The following ATF7IP variants were observed in gnomAD, a reference collection of about 807,000 sequenced individuals.
ATF7IP encodes the protein activating transcription factor 7 interacting protein, also known as activating transcription factor 7-interacting protein 1.
A neutral mutation model predicts 106.4 loss-of-function variants in ATF7IP; 23 were observed. The observed-to-expected ratio is 0.22, with a 90% CI of 0.16 to 0.31. The LOEUF is 0.31. ATF7IP is among the 10% of genes least tolerant of loss of function. The probability of loss-of-function intolerance (pLI) is 1.00; values close to 1 mark genes in which losing one functional copy is unlikely to be tolerated. For missense variants in ATF7IP, 1,334 were observed against 1,524.3 expected (o/e 0.88, Z 2.08); for synonymous variants, 542 against 539.0 (o/e 1.01, Z -0.08).
chr12:14,422,312 TACACACACACACACACACACACACACAC>T (rs59503201), intron 1 of ATF7IP, among the ~76,000 whole-genome samples: 2 of 142,336 alleles, frequency 1.4e-5, no homozygotes, highest in African/African-American at 5.2e-5. Context: ...AAAAAGAGAA[TACACACACACACACACACACACACACAC>T]ACACACACAC....
At chr12:14,400,912 T>C (rs1163186842) in intron 1 of ATF7IP, among the ~76,000 whole-genome samples, 2 of 152,214 alleles carry the variant, frequency 1.3e-5, no homozygotes, top group African/African-American at 4.8e-5. Flanking sequence ...TTCTTGTATA[T>C]GTTGTTTTAT....
At chr12:14,489,333 T>C (rs1944731396) in intron 13 of ATF7IP, among the ~76,000 whole-genome samples, 1 of 152,158 alleles carries the variant, frequency 6.6e-6, no homozygotes, top group African/African-American at 2.4e-5. Context: ...CCTGTTGACT[T>C]AAAGGTAGGA....
At chr12:14,421,470 T>C (rs1467887138) in intron 1 of ATF7IP, among the ~76,000 whole-genome samples, 1 of 152,196 alleles carries the variant, frequency 6.6e-6, no homozygotes, top group East Asian at 1.9e-4. Context: ...CAGGCCTCTC[T>C]CCTAGCTTCT....
chr12:14,490,631 C>A (rs1297155497), intron 13 of ATF7IP, among the ~76,000 whole-genome samples: 1 of 152,176 alleles, frequency 6.6e-6, no homozygotes, highest in Non-Finnish European at 1.5e-5. Context: ...GCAGAACCAT[C>A]TGTGAACCAG....
intron 11 of ATF7IP, among the ~76,000 whole-genome samples, chr12:14,476,703 G>T (rs1030619931): frequency 6.6e-6 from 1 of 152,026 alleles, no homozygotes. Context: ...TTATGTTTCA[G>T]TGCAGATACT....
intron 9 of ATF7IP, 59 bp from the exon 10 acceptor site, chr12:14,466,467 G>C: frequency 7.3e-7 from 1 of 1,361,694 alleles, no homozygotes; most frequent in Non-Finnish European, 1.0e-6. Flanking sequence ...TTCATATAAA[G>C]CAACTTAACT....
intron 9 of ATF7IP, among the ~76,000 whole-genome samples, chr12:14,465,741 T>G (rs188371599): frequency 1.1e-3 from 172 of 152,154 alleles, no homozygotes; most frequent in African/African-American, 4.0e-3. Context: ...ACTTCCTGTA[T>G]TTTTTTAAAC....
chr12:14,382,529 A>AT (rs1939041077), intron 1 of ATF7IP, among the ~76,000 whole-genome samples: 1 of 152,126 alleles, frequency 6.6e-6, no homozygotes, highest in African/African-American at 2.4e-5. Context: ...TACAAAAGTT[A>AT]TTTTTTCCAT....
intron 14 of ATF7IP, 62 bp from the exon 15 acceptor site, chr12:14,497,592 T>G: frequency 6.8e-7 from 1 of 1,476,884 alleles, no homozygotes; most frequent in Non-Finnish European, 9.2e-7. Flanking sequence ...GTGTTTTAAT[T>G]CTAACATTCT....
chr12:14,477,106 A>G (rs909094505), intron 11 of ATF7IP, among the ~76,000 whole-genome samples: 1 of 152,222 alleles, frequency 6.6e-6, no homozygotes, highest in African/African-American at 2.4e-5. Context: ...ACTGGTGATT[A>G]TTGCACATGG....
rs1408973088 is a variant in ATF7IP, at chr12:14,500,992, CA to C, written c.*2920del. 1.3e-5 allele frequency: 2 copies of C among 152,212 alleles called. No individual in the cohort carries two copies. Among genetic ancestry groups the C allele is most frequent in the Non-Finnish European group, 2.9e-5 (2 of 67,978 alleles). 9.4% of individuals were successfully genotyped at this position (152,212 alleles called of 1,614,324 possible). ...AGATGGTGTCCTCAAATTAGCCTAC[CA>C]TGGCACGTAGGGGCAGCAGCTATAT... On this transcript the variant is annotated 3_prime_UTR_variant, in exon 15 of 15. Coordinates refer to ENST00000261168, the MANE Select transcript of ATF7IP (RefSeq NM_018179.5).
chr12:14,436,996 A>G (rs190779177), intron 4 of ATF7IP, among the ~76,000 whole-genome samples: 185 of 152,296 alleles, frequency 1.2e-3, no homozygotes, highest in Admixed American at 2.7e-3. Flanking sequence ...TTATAAGTCT[A>G]CATTCTAAAC....
intron 13 of ATF7IP, among the ~76,000 whole-genome samples, chr12:14,487,712 A>C (rs1344959253): frequency 6.6e-6 from 1 of 152,186 alleles, no homozygotes; most frequent in Non-Finnish European, 1.5e-5. Context: ...CTCTTTCTCT[A>C]TAGGAGATAA....
At chr12:14,495,173 G>A (rs1056328999) in intron 13 of ATF7IP, among the ~76,000 whole-genome samples, 1 of 152,112 alleles carries the variant, frequency 6.6e-6, no homozygotes, top group Non-Finnish European at 1.5e-5. Flanking sequence ...ACCAGATGAA[G>A]GGTGGATCTG....
intron 13 of ATF7IP, among the ~76,000 whole-genome samples, chr12:14,486,934 A>G (rs967717748): frequency 2.0e-5 from 3 of 152,150 alleles, no homozygotes; most frequent in Non-Finnish European, 4.4e-5. Context: ...GGTCAAGGGT[A>G]TATCTTCTGG....
intron 1 of ATF7IP, among the ~76,000 whole-genome samples, chr12:14,421,552 G>A (rs1215929132): frequency 1.3e-5 from 2 of 152,148 alleles, no homozygotes; most frequent in Non-Finnish European, 2.9e-5. Context: ...ATGTCTGTCT[G>A]TGTCCAGATT....
In ATF7IP at chr12:14,435,107, G is replaced by T. The variant is rs144207658; in HGVS notation, c.1645+684G>T. Reference sequence around the variant, plus strand: ...TGAGAGAGAGAGAGAGAAGGAGGGAGGGAGGGAGACAGGAAGGAAGGAAGA... The same window carrying T: ...TGAGAGAGAGAGAGAGAAGGAGGGATGGAGGGAGACAGGAAGGAAGGAAGA... On this transcript the variant is annotated intron_variant, in intron 3 of 14. Transcript: ENST00000261168. Among the ~76,000 whole-genome samples, 272 of 151,326 alleles carry T rather than the reference G, an allele frequency of 1.8e-3. 1 individual carries two copies. Among genetic ancestry groups the T allele is most frequent in the African/African-American group, 6.5e-3 (266 of 41,228 alleles).
intron 1 of ATF7IP, among the ~76,000 whole-genome samples, chr12:14,389,157 G>A (rs1236445425): frequency 1.3e-5 from 2 of 152,076 alleles, no homozygotes; most frequent in Non-Finnish European, 2.9e-5. Context: ...AAGTGTGATT[G>A]GATCAGTGTG....
In ATF7IP at chr12:14,456,574, C is replaced by G. The variant is rs775136905; in HGVS notation, c.2009C>G (p.Pro670Arg). 1.2e-6 allele frequency: 2 copies of G among 1,611,994 alleles called. No homozygotes were observed. The highest frequency in any genetic ancestry group is 2.2e-5 in the South Asian group (2 of 91,038). Residue 670 changes from proline (P) to arginine (R), a missense_variant, in exon 7 of 15, where the codon CCA becomes CGA. Around this residue, in one of 10 missense-constraint regions of ATF7IP, gnomAD observed 171 missense variants for 172.6 expected, o/e 0.99. Transcript: ENST00000261168. ...LKKRHEHPPNPPVSPGKTVND... is the reference protein window; with the variant it reads ...LKKRHEHPPNRPVSPGKTVND... The stretch of plus-strand genomic sequence containing the variant: ...TTTCTCCCCCAGCATCCACCCAACC[C>G]ACCAGTATCACCAGGAAAAACTGTA...
Sources: gnomAD v4.1 joint callset for allele counts (sites outside exome capture counted in the v4.1 genomes callset) on GRCh38, gnomAD v4.1.1 for gene constraint, gnomAD v4.1.1 regional missense constraint, MANE v1.5 for transcripts, NCBI Gene and HGNC (gene_info 2026-07-23, HGNC 2026-07-21) for gene names.